Variants in FKBP15 observed in about 807,000 individuals in gnomAD.
FKBP15 encodes FK506-binding protein 15.
FKBP15 carries 106 observed loss-of-function variants against 158.1 expected under a neutral mutation model. That is an observed-to-expected ratio of 0.67 (90% CI 0.57 to 0.79). FKBP15 has a LOEUF of 0.79. Ranked by LOEUF, FKBP15 falls within the 30% of genes least tolerant of loss-of-function variation. The pLI, the probability that FKBP15 is intolerant of heterozygous loss-of-function variation, is 0.00. For synonymous variants in FKBP15, 547 were observed against 548.6 expected (o/e 1.00, Z 0.04); for missense variants, 1,287 against 1,479.1 (o/e 0.87, Z 2.13).
chr9:113,219,597 A>G (rs116098597), intron 1 of FKBP15, among the ~76,000 whole-genome samples: 430 of 152,328 alleles, frequency 2.8e-3, no homozygotes, highest in African/African-American at 9.8e-3. Context: ...CTAGAATTCA[A>G]GTGTCTCAGA....
chr9:113,221,058 G>T, intron 1 of FKBP15, 133 bp downstream of exon 1: 1 of 955,536 alleles, frequency 1.0e-6, no homozygotes, highest in Non-Finnish European at 1.5e-6. Flanking sequence ...TCTGAGAGGT[G>T]TAGAGCACCG....
At chr9:113,196,615 C>T (rs1030747601) in intron 9 of FKBP15, among the ~76,000 whole-genome samples, 5 of 152,112 alleles carry the variant, frequency 3.3e-5, no homozygotes, top group Non-Finnish European at 7.4e-5. Context: ...GATCTCCTCA[C>T]CTCGTGATCT....
chr9:113,205,873 G>A (rs1830875611), intron 4 of FKBP15: 1 of 152,190 alleles, frequency 6.6e-6, no homozygotes, highest in African/African-American at 2.4e-5. Flanking sequence ...GCTATAACAT[G>A]GGTGAACCTT....
intron 24 of FKBP15, 137 bp from the exon 25 acceptor site, chr9:113,170,766 C>T (rs1830193957): frequency 2.9e-6 from 2 of 696,892 alleles, no homozygotes; most frequent in South Asian, 3.1e-5. Flanking sequence ...TAAGCAGAGA[C>T]ACTGAAGGCT....
At position 113,170,568 on chromosome 9, in the gene FKBP15, G is replaced by C. The variant is rs1830189807; in HGVS notation, c.2720C>G (p.Ser907Cys). 2 of 1,613,860 alleles carry C rather than the reference G, an allele frequency of 1.2e-6. No homozygotes were observed. Among genetic ancestry groups the C allele is most frequent in the Non-Finnish European group, 1.7e-6 (2 of 1,179,850 alleles). The change falls in exon 25 of 28, where the codon TCT becomes TGT. Residue 907 changes from serine to cysteine, a missense_variant. Coordinates refer to ENST00000238256, the MANE Select transcript of FKBP15 (RefSeq NM_015258.2). The part of the protein sequence containing the change: ...SLRREFELEE[S>C]YNGRTILGTI... ...TCCCAGAATGGTCCTGCCATTGTAA[G>C]ATTCCTCCAGCTCAAACTCTCTCCG...
rs57348436 is a variant in FKBP15 at position 113,169,732 on chromosome 9, G to T, written c.2977C>A (p.Pro993Thr). ...GTGGTGAGGGCCTGAGGAGGCAACG[G>T]GACAGCTTCCTCGACCACCTGCTCT... ...PSEQVVEEAVPLPPQALTTSQ... is the reference protein window; with the variant it reads ...PSEQVVEEAVTLPPQALTTSQ... The change falls in exon 26 of 28, where the codon CCG becomes ACG. Residue 993 changes from proline to threonine, a missense_variant. Pro to Thr is a conservative substitution (Grantham distance 38). Transcript: ENST00000238256. 0.064 allele frequency: 103,660 copies of T among 1,613,086 alleles called. 3,873 individuals carry two copies. Among genetic ancestry groups the T allele is most frequent in the South Asian group, 0.14 (12,439 of 90,838 alleles).
rs373020760 is a variant in FKBP15 at position 113,186,294 on chromosome 9, G to C, written c.1453C>G (p.Arg485Gly). ...GAGAGCGGTGCTGGGTACAAAGGCC[G>C]AACGGGCTGCAGCTGGGAGGTGACG... ...SAVTSQLQPV[R>G]PLYPAPLSQP... Residue 485 changes from arginine (R) to glycine (G), a missense_variant, in exon 15 of 28, where the codon CGG becomes GGG. Transcript: ENST00000238256. 1.8e-4 allele frequency: 276 copies of C among 1,570,828 alleles called. No homozygotes were observed. Among genetic ancestry groups the C allele is most frequent in the Non-Finnish European group, 2.3e-4 (267 of 1,157,314 alleles).
intron 9 of FKBP15, among the ~76,000 whole-genome samples, chr9:113,196,324 A>G (rs1375703565): frequency 6.6e-6 from 1 of 151,662 alleles, no homozygotes; most frequent in Non-Finnish European, 1.5e-5. Flanking sequence ...AAGAATATAC[A>G]CTGGGCAGGA....
rs1830055970 is a variant in FKBP15, at chr9:113,163,810, A to T, written c.*2268T>A. 6.5e-6 allele frequency: 1 copy of T among 152,680 alleles called. No individual in the cohort carries two copies. Among genetic ancestry groups the T allele is most frequent in the Non-Finnish European group, 1.5e-5 (1 of 68,048 alleles). The allele number at this position is 152,680 out of a possible 1,614,324, so 9.5% of individuals were successfully genotyped here. On this transcript the variant is annotated 3_prime_UTR_variant, in exon 28 of 28. Coordinates refer to ENST00000238256, the MANE Select transcript of FKBP15 (RefSeq NM_015258.2). ...TCTTCTATGCAGAACAAAAAGCTGC[A>T]TCTAATAATGTTCAATACTTAATAT...
Position 113,162,443 on chromosome 9 carries a change from T to G in FKBP15, c.*3635A>C, listed in dbSNP as rs948116900. ...GATTCAGGGGGGAAATATGCCTTACTGATGATTTTCTCTTATTCCTTATCA... is the reference window on the plus strand; with the variant it reads ...GATTCAGGGGGGAAATATGCCTTACGGATGATTTTCTCTTATTCCTTATCA... On this transcript the variant is annotated 3_prime_UTR_variant, in exon 28 of 28. Coordinates refer to ENST00000238256, the MANE Select transcript of FKBP15 (RefSeq NM_015258.2). 3.1e-5 allele frequency: 8 copies of G among 256,994 alleles called. No homozygotes were observed. Among genetic ancestry groups the G allele is most frequent in the African/African-American group, 1.8e-4 (8 of 43,850 alleles). The allele number at this position is 256,994 out of a possible 1,614,324, so 15.9% of individuals were successfully genotyped here.
At chr9:113,172,550 C>T (rs73550226) in intron 23 of FKBP15, among the ~76,000 whole-genome samples, 5,524 of 152,224 alleles carry the variant, frequency 0.036, 137 homozygotes, top group African/African-American at 0.06. Flanking sequence ...CTGCTGGTGT[C>T]CACTCCCTCA....
At position 113,215,638 on chromosome 9, in the gene FKBP15, A is replaced by ATTT. The variant is rs1564192803; in HGVS notation, c.54-4047_54-4046insAAA. On this transcript the variant is annotated intron_variant, in intron 1 of 27. Transcript: ENST00000238256. Reference sequence around the variant, plus strand: ...TGTGTGTGTGTGTATATATATATATATATATATTTTTTTTTTTTTTTTTTT... The same window carrying ATTT: ...TGTGTGTGTGTGTATATATATATATATTTTATATATTTTTTTTTTTTTTTTTTT... Among the ~76,000 whole-genome samples the ATTT allele has an allele frequency of 1.2e-4, 14 of 113,070 alleles. No homozygotes were observed. The South Asian group carries it at 2.9e-3, about 24-fold the overall frequency. 74.2% of individuals were successfully genotyped at this position (113,070 alleles called of 152,430 possible).
intron 11 of FKBP15, among the ~76,000 whole-genome samples, chr9:113,190,967 G>A (rs934545381): frequency 1.3e-5 from 2 of 152,194 alleles, no homozygotes; most frequent in Non-Finnish European, 2.9e-5. Flanking sequence ...TAATTCAGAA[G>A]AGATCTGTGG....
At chr9:113,167,247 C>G (rs34560577) in intron 27 of FKBP15, among the ~76,000 whole-genome samples, 1 of 152,076 alleles carries the variant, frequency 6.6e-6, no homozygotes. Flanking sequence ...ATAAAAGTAC[C>G]TACCTCATTG....
Position 113,162,861 on chromosome 9 carries a change from G to T in FKBP15, c.*3217C>A. Reference sequence around the variant, plus strand: ...CAACACCTGGATTTTCCTTGGTGTGGTCTTGGGCTCTGCTGTGGGCTACTA... The same window carrying T: ...CAACACCTGGATTTTCCTTGGTGTGTTCTTGGGCTCTGCTGTGGGCTACTA... On this transcript the variant is annotated 3_prime_UTR_variant, in exon 28 of 28. Transcript: ENST00000238256. The T allele has an allele frequency of 6.2e-7, 1 of 1,613,548 alleles. No homozygotes were observed. Among genetic ancestry groups the T allele is most frequent in the East Asian group, 2.2e-5 (1 of 44,852 alleles).
rs376382548 is a variant in FKBP15 at position 113,168,543 on chromosome 9, C to T, written c.3499G>A (p.Glu1167Lys). The change falls in exon 27 of 28, where the codon GAA (glutamate) becomes AAA (lysine). Residue 1167 changes from glutamate (E) to lysine (K), a missense_variant. Glu to Lys is a moderately conservative substitution (Grantham distance 56). Coordinates refer to ENST00000238256, the MANE Select transcript of FKBP15 (RefSeq NM_015258.2). ...GCCCCTTTAAACAGTTCATCCTCTT[C>T]ATCCCCAGAGAGACTGAAGGAAAAT... ...HSQRSSLSGD[E>K]EDELFKGATL... is the part of the protein sequence containing the mutation. The T allele has an allele frequency of 1.2e-6, 2 of 1,613,828 alleles. No homozygotes were observed. The highest frequency in any genetic ancestry group is 1.7e-6 in the Non-Finnish European group (2 of 1,179,832).
intron 19 of FKBP15, among the ~76,000 whole-genome samples, chr9:113,179,950 C>T (rs1457305940): frequency 6.6e-6 from 1 of 152,168 alleles, no homozygotes; most frequent in Non-Finnish European, 1.5e-5. Context: ...ATAGGAGTGG[C>T]TTTCATCTAC....
In FKBP15 at chr9:113,198,926, G is replaced by A; in HGVS notation, c.649-3C>T. On this transcript the variant is annotated splice_region_variant and splice_polypyrimidine_tract_variant and intron_variant, in intron 7 of 27. Transcript: ENST00000238256. This position sits in a 1 kb window ranked among gnomAD's most constrained non-coding sequence, Gnocchi z 5.2. ...TTGTTAGCAGTGGAGTCGAAAACCT[G>A]CAATTTGATCGAAGGAAATTAGGCC... The A allele has an allele frequency of 1.9e-6, 3 of 1,595,338 alleles. No homozygotes were observed. Among genetic ancestry groups the A allele is most frequent in the Non-Finnish European group, 2.6e-6 (3 of 1,170,102 alleles).
Position 113,169,769 on chromosome 9 carries a change from G to T in FKBP15, c.2940C>A (p.Pro980=). 1 of 1,603,534 alleles carries T rather than the reference G, an allele frequency of 6.2e-7. No homozygotes were observed. The highest frequency in any genetic ancestry group is 8.5e-7 in the Non-Finnish European group (1 of 1,174,766). Residue 980 remains proline, a synonymous_variant, in exon 26 of 28, where the codon CCC becomes CCA. Transcript: ENST00000238256. ...CGACCACCTGCTCTGAGGGCACCAT[G>T]GGGGACTCTGGCCTCTCCCTATTCA... ...APLNRERPES[P]MVPSEQVVEE... is the part of the protein sequence containing the mutation.
Sources: allele counts gnomAD v4.1 joint callset (sites outside exome capture counted in the v4.1 genomes callset), GRCh38; gene constraint gnomAD v4.1.1; non-coding constraint Gnocchi (gnomAD v3.1); transcripts MANE v1.5; gene names NCBI Gene and HGNC (gene_info 2026-07-23, HGNC 2026-07-21).